Variants in CPVL observed in about 807,000 individuals in gnomAD.
CPVL encodes carboxypeptidase vitellogenic like, also known as probable serine carboxypeptidase CPVL.
A neutral mutation model predicts 63.7 loss-of-function variants in CPVL; 51 were observed. That is an observed-to-expected ratio of 0.80 (90% CI 0.64 to 1.01). The LOEUF (loss-of-function observed/expected upper bound fraction) is 1.01, where lower values mean the gene tolerates loss of function less well. CPVL is among the 50% of genes least tolerant of loss of function. CPVL has a pLI of 0.00. For synonymous variants in CPVL, 195 were observed against 206.0 expected (o/e 0.95, Z 0.46); for missense variants, 530 against 573.1 (o/e 0.92, Z 0.77).
intron 2 of CPVL, among the ~76,000 whole-genome samples, chr7:29,120,174 C>T (rs922782028): frequency 1.3e-5 from 2 of 152,158 alleles, no homozygotes; most frequent in African/African-American, 2.4e-5. Flanking sequence ...ATAATCCCAG[C>T]ACTTTTGAAG....
At chr7:29,041,264 A>G (rs143800812) in intron 11 of CPVL, among the ~76,000 whole-genome samples, 89 of 151,188 alleles carry the variant, frequency 5.9e-4, no homozygotes, top group Admixed American at 4.0e-3. Flanking sequence ...TTTGGTAGAG[A>G]CAAGGTTTCA....
At chr7:29,013,603 G>A (rs772090906) in intron 12 of CPVL, among the ~76,000 whole-genome samples, 5 of 152,144 alleles carry the variant, frequency 3.3e-5, no homozygotes, top group Non-Finnish European at 7.4e-5. Flanking sequence ...CCCATATTAG[G>A]CAAACCACCA....
chr7:29,032,628 T>C (rs1387887805), intron 11 of CPVL, among the ~76,000 whole-genome samples: 1 of 152,178 alleles, frequency 6.6e-6, no homozygotes, highest in Non-Finnish European at 1.5e-5. Flanking sequence ...TTATAGCTGA[T>C]TAGCAAAGAT....
intron 2 of CPVL, among the ~76,000 whole-genome samples, chr7:29,120,373 G>C (rs958332231): frequency 2.0e-5 from 3 of 152,094 alleles, no homozygotes; most frequent in Non-Finnish European, 4.4e-5. Flanking sequence ...AGTAAGCAGA[G>C]ATTGCGCCAC....
At chr7:29,158,730 TGC>T (rs1794770997) in intron 5 of CPVL, among the ~76,000 whole-genome samples, 1 of 152,226 alleles carries the variant, frequency 6.6e-6, no homozygotes, top group South Asian at 2.1e-4. Flanking sequence ...CTGGAGATTT[TGC>T]TTGTTCTTTT....
At chr7:29,041,304 G>A (rs1257707086) in intron 11 of CPVL, among the ~76,000 whole-genome samples, 3 of 151,696 alleles carry the variant, frequency 2.0e-5, no homozygotes, top group East Asian at 1.9e-4. Flanking sequence ...CTTGAACACC[G>A]GACCTCAAGT....
At chr7:29,142,477 A>G (rs1791996411) in intron 1 of CPVL, among the ~76,000 whole-genome samples, 1 of 150,936 alleles carries the variant, frequency 6.6e-6, no homozygotes, top group South Asian at 2.1e-4. Flanking sequence ...TGACTCTATA[A>G]CAGGACGTCA....
intron 12 of CPVL, among the ~76,000 whole-genome samples, chr7:29,028,288 G>C (rs1036575295): frequency 6.6e-6 from 1 of 151,984 alleles, no homozygotes; most frequent in Admixed American, 6.6e-5. Flanking sequence ...TATACACATA[G>C]AATAAGCTCA....
intron 12 of CPVL, among the ~76,000 whole-genome samples, chr7:29,025,124 C>T (rs976259664): frequency 6.6e-5 from 10 of 152,138 alleles, no homozygotes; most frequent in South Asian, 2.1e-4. Context: ...AGACATAAAC[C>T]GGCTGAACGG....
chr7:29,157,435 T>C (rs1291393902), intron 5 of CPVL, among the ~76,000 whole-genome samples: 3 of 120,630 alleles, frequency 2.5e-5, no homozygotes, highest in East Asian at 2.6e-4. Context: ...AATGGCGTTA[T>C]CTCAGTCACT....
At chr7:29,043,542 G>C (rs1009150262) in intron 11 of CPVL, among the ~76,000 whole-genome samples, 1 of 152,138 alleles carries the variant, frequency 6.6e-6, no homozygotes, top group African/African-American at 2.4e-5. Context: ...TGAAGAAACA[G>C]ACAAGAATCT....
intron 1 of CPVL, among the ~76,000 whole-genome samples, chr7:29,130,310 A>C (rs1261262130): frequency 6.6e-6 from 1 of 152,240 alleles, no homozygotes; most frequent in Non-Finnish European, 1.5e-5. Context: ...GATTTCTTAC[A>C]TCAAATATGT....
At chr7:29,113,254 C>T (rs777712919) in intron 2 of CPVL, among the ~76,000 whole-genome samples, 30 of 152,150 alleles carry the variant, frequency 2.0e-4, no homozygotes, top group Non-Finnish European at 3.8e-4. Context: ...CGGCCTCGCC[C>T]CGAGAAGGCC....
intron 1 of CPVL, among the ~76,000 whole-genome samples, chr7:29,133,456 C>T (rs1790898937): frequency 6.6e-6 from 1 of 152,210 alleles, no homozygotes; most frequent in Non-Finnish European, 1.5e-5. Context: ...TATCACACTT[C>T]CACACACTAA....
intron 11 of CPVL, among the ~76,000 whole-genome samples, chr7:29,051,962 A>C (rs923088708): frequency 1.4e-5 from 2 of 147,044 alleles, no homozygotes; most frequent in South Asian, 4.3e-4. Context: ...ATATATATGA[A>C]TACTACTCAA....
intron 3 of CPVL, among the ~76,000 whole-genome samples, chr7:29,099,182 A>C (rs1377085638): frequency 6.6e-6 from 1 of 152,240 alleles, no homozygotes; most frequent in South Asian, 2.1e-4. Flanking sequence ...CCTCAGCTGT[A>C]TAGTATGTGT....
At chr7:29,065,966 T>G in intron 10 of CPVL, 57 bp downstream of exon 10, 1 of 989,938 alleles carries the variant, frequency 1.0e-6, no homozygotes, top group Non-Finnish European at 1.6e-6. Context: ...TCAAAGGAAG[T>G]TCGGTTTTGC....
At chr7:29,155,647 A>G (rs1363251348) in intron 5 of CPVL, among the ~76,000 whole-genome samples, 2 of 152,200 alleles carry the variant, frequency 1.3e-5, no homozygotes, top group Non-Finnish European at 2.9e-5. Flanking sequence ...GAAGCTTGGA[A>G]TACAAGCTTT....
intron 12 of CPVL, among the ~76,000 whole-genome samples, chr7:29,004,749 T>C (rs1438141623): frequency 2.6e-5 from 4 of 152,174 alleles, no homozygotes; most frequent in Non-Finnish European, 4.4e-5. Flanking sequence ...TCTGGGAACA[T>C]AGGGCTTTGA....
Sources: allele counts gnomAD v4.1 joint callset (sites outside exome capture counted in the v4.1 genomes callset), GRCh38; gene constraint gnomAD v4.1.1; transcripts MANE v1.5; gene names NCBI Gene and HGNC (gene_info 2026-07-23, HGNC 2026-07-21).